CDRT4: variants seen among roughly 807,000 people sequenced by gnomAD.
CDRT4 encodes CMT1A duplicated region transcript 4 protein.
For synonymous variants in CDRT4, 64 were observed against 69.6 expected (o/e 0.92, Z 0.40); for missense variants, 167 against 193.1 (o/e 0.87, Z 0.80).
chr17:15,455,274 T>C (rs932258554), intron 1 of CDRT4, among the ~76,000 whole-genome samples: 4 of 152,204 alleles, frequency 2.6e-5, no homozygotes, highest in Non-Finnish European at 4.4e-5. Flanking sequence ...CTAGATGCTA[T>C]GCCAACAAAG....
intron 1 of CDRT4, among the ~76,000 whole-genome samples, chr17:15,453,751 A>C (rs368162434): frequency 6.6e-6 from 1 of 152,228 alleles, no homozygotes; most frequent in South Asian, 2.1e-4. Context: ...TGTAGCATGG[A>C]ATTCAGAGCA....
At chr17:15,459,851 C>T (rs1452900951) in intron 1 of CDRT4, among the ~76,000 whole-genome samples, 1 of 152,098 alleles carries the variant, frequency 6.6e-6, no homozygotes, top group East Asian at 1.9e-4. Flanking sequence ...ATCTCCTTTG[C>T]CTCTTCTGCT....
intron 1 of CDRT4, among the ~76,000 whole-genome samples, chr17:15,467,109 T>A (rs1464612773): frequency 6.6e-6 from 1 of 152,140 alleles, no homozygotes; most frequent in African/African-American, 2.4e-5. Flanking sequence ...GTGTTTTGCT[T>A]AAGTAGAGTG....
chr17:15,443,816 G>A (rs868663208), intron 2 of CDRT4: 26 of 548,082 alleles, frequency 4.7e-5, no homozygotes, highest in Admixed American at 1.0e-4. Context: ...GTGGGGTAAC[G>A]GAAAGGAACT....
chr17:15,460,360 G>A (rs1388471839), intron 1 of CDRT4, among the ~76,000 whole-genome samples: 6 of 151,454 alleles, frequency 4.0e-5, no homozygotes, highest in East Asian at 1.9e-4. Context: ...TAAATCCTTC[G>A]TTCTCTTTAT....
chr17:15,439,616 T>C (rs1056522320), intron 3 of CDRT4, among the ~76,000 whole-genome samples: 4 of 152,204 alleles, frequency 2.6e-5, no homozygotes, highest in Non-Finnish European at 5.9e-5. Context: ...CTCCTGAACA[T>C]GCTGTGTTCT....
At chr17:15,445,240 G>A (rs1444742737) in intron 2 of CDRT4, among the ~76,000 whole-genome samples, 2 of 152,102 alleles carry the variant, frequency 1.3e-5, no homozygotes, top group African/African-American at 4.8e-5. Flanking sequence ...ATGTTAATAG[G>A]TATTACTTAA....
At chr17:15,448,076 T>C (rs539072129) in intron 2 of CDRT4, among the ~76,000 whole-genome samples, 4 of 152,242 alleles carry the variant, frequency 2.6e-5, no homozygotes, top group South Asian at 4.1e-4. Flanking sequence ...GTTGAAACAA[T>C]AGGGACATTG....
intron 1 of CDRT4, among the ~76,000 whole-genome samples, chr17:15,454,681 ACTGGAAGTAAT>A (rs959604524): frequency 2.4e-4 from 36 of 152,262 alleles, no homozygotes; most frequent in African/African-American, 7.0e-4. Flanking sequence ...CCAGATTCCT[ACTGGAAGTAAT>A]CTGGAGACTT....
chr17:15,441,684 G>A (rs1022907304), intron 2 of CDRT4, among the ~76,000 whole-genome samples: 4 of 152,120 alleles, frequency 2.6e-5, no homozygotes, highest in African/African-American at 9.7e-5. Context: ...ACACATTCCA[G>A]CATTTTATTA....
At chr17:15,459,429 CTT>C (rs1022753017) in intron 1 of CDRT4, among the ~76,000 whole-genome samples, 1 of 131,588 alleles carries the variant, frequency 7.6e-6, no homozygotes, top group Non-Finnish European at 1.6e-5. Flanking sequence ...GAGTTGATTT[CTT>C]TTTTTTTCTT....
intron 1 of CDRT4, among the ~76,000 whole-genome samples, chr17:15,461,357 C>T (rs976014126): frequency 8.5e-5 from 13 of 152,334 alleles, no homozygotes; most frequent in South Asian, 2.1e-4. Context: ...CTACAGCATG[C>T]GGGCTGCCAC....
chr17:15,448,342 G>A (rs1030603502), intron 2 of CDRT4, among the ~76,000 whole-genome samples: 2 of 152,188 alleles, frequency 1.3e-5, no homozygotes, highest in African/African-American at 4.8e-5. Flanking sequence ...CTTCCAGGAA[G>A]GGAATCACTC....
At chr17:15,463,811 G>C (rs1402304626) in intron 1 of CDRT4, among the ~76,000 whole-genome samples, 1 of 152,164 alleles carries the variant, frequency 6.6e-6, no homozygotes, top group African/African-American at 2.4e-5. Flanking sequence ...GATGTGGGTG[G>C]CCTGAGGAAA....
intron 1 of CDRT4, among the ~76,000 whole-genome samples, chr17:15,454,979 G>T (rs1232763254): frequency 6.6e-6 from 1 of 152,066 alleles, no homozygotes; most frequent in Non-Finnish European, 1.5e-5. Flanking sequence ...TGAACTATTG[G>T]TATACATTCT....
chr17:15,459,439 C>CTTTTTTT (rs35161691), intron 1 of CDRT4, among the ~76,000 whole-genome samples: 33 of 107,480 alleles, frequency 3.1e-4, no homozygotes, highest in Admixed American at 6.2e-4. Context: ...CTTTTTTTTT[C>CTTTTTTT]TTTTTTTTTT....
At chr17:15,446,268 C>T (rs1056482202) in intron 2 of CDRT4, among the ~76,000 whole-genome samples, 3 of 152,050 alleles carry the variant, frequency 2.0e-5, no homozygotes, top group African/African-American at 7.2e-5. Flanking sequence ...TTCTCAGTGG[C>T]GCCCCCTTCT....
intron 3 of CDRT4, 68 bp downstream of exon 3, chr17:15,440,140 A>T: frequency 1.3e-6 from 2 of 1,514,204 alleles, no homozygotes. Flanking sequence ...GCCTCTTCCC[A>T]CTGCGAATCC....
At chr17:15,459,781 A>G (rs1316541912) in intron 1 of CDRT4, among the ~76,000 whole-genome samples, 1 of 151,940 alleles carries the variant, frequency 6.6e-6, no homozygotes, top group Admixed American at 6.6e-5. Context: ...TGCACCAACC[A>G]ATGAGGTAGA....
Sources: gnomAD v4.1 joint callset for allele counts (sites outside exome capture counted in the v4.1 genomes callset) on GRCh38, gnomAD v4.1.1 for gene constraint, MANE v1.5 for transcripts, NCBI Gene and HGNC (gene_info 2026-07-23, HGNC 2026-07-21) for gene names.